The following SLC38A10 variants were observed in gnomAD, a reference collection of about 807,000 sequenced individuals.
SLC38A10 encodes the protein solute carrier family 38 member 10.
In SLC38A10, 53 loss-of-function variants were observed where a neutral mutation model predicts 81.0. The observed-to-expected ratio is 0.65, with a 90% CI of 0.53 to 0.82. The LOEUF is 0.82. SLC38A10 is among the 40% of genes least tolerant of loss of function. The pLI is 0.00. For missense variants in SLC38A10, 1,471 were observed against 1,545.0 expected (o/e 0.95, Z 0.80); for synonymous variants, 665 against 655.3 (o/e 1.01, Z -0.23).
In SLC38A10 at chr17:81,277,240, C is replaced by T. The variant is rs960903581; in HGVS notation, c.627-107G>A. ...AGCCCAGTGAGAGTCTCTGACCTTCCTTCATGCAACATTCTCTGCACACTG... is the reference window on the plus strand; with the variant it reads ...AGCCCAGTGAGAGTCTCTGACCTTCTTTCATGCAACATTCTCTGCACACTG... On this transcript the variant is annotated intron_variant, in intron 6 of 15. Transcript: ENST00000374759. The surrounding 1 kb of genome is among the most constrained non-coding windows in gnomAD (Gnocchi z 4.5). The T allele has an allele frequency of 1.1e-6, 1 of 929,614 alleles. No homozygotes were observed. The highest frequency in any genetic ancestry group is 1.6e-5 in the African/African-American group (1 of 61,340). 57.6% of individuals were successfully genotyped at this position (929,614 alleles called of 1,614,324 possible). A position where few individuals can be genotyped will look rare whatever the true frequency, so the allele number is the denominator to read the frequency against.
At chr17:81,255,040 G>A (rs2062959064) in intron 11 of SLC38A10, among the ~76,000 whole-genome samples, 1 of 152,270 alleles carries the variant, frequency 6.6e-6, no homozygotes, top group South Asian at 2.1e-4. Flanking sequence ...CCAGTCTGGG[G>A]CTCCAGGGGG....
intron 6 of SLC38A10, among the ~76,000 whole-genome samples, chr17:81,280,366 C>T (rs1489780330): frequency 1.3e-5 from 2 of 152,164 alleles, no homozygotes; most frequent in African/African-American, 4.8e-5. Context: ...GGGGATCTGG[C>T]AAACCAGGGA....
chr17:81,279,617 C>T (rs1247763306), intron 6 of SLC38A10: 1 of 154,836 alleles, frequency 6.5e-6, no homozygotes, highest in Non-Finnish European at 1.4e-5. Context: ...GCCGCACGCT[C>T]CAGCGCTTCA....
intron 1 of SLC38A10, among the ~76,000 whole-genome samples, chr17:81,290,895 A>C (rs2063305023): frequency 6.6e-6 from 1 of 152,100 alleles, no homozygotes; most frequent in Non-Finnish European, 1.5e-5. Context: ...AATCCCAGCT[A>C]CTTGGGAGGC....
chr17:81,258,401 G>A (rs1474655212), intron 11 of SLC38A10, among the ~76,000 whole-genome samples: 1 of 152,190 alleles, frequency 6.6e-6, no homozygotes, highest in Non-Finnish European at 1.5e-5. Flanking sequence ...CCTCGTGGAA[G>A]AAACAGAAAC....
intron 14 of SLC38A10, among the ~76,000 whole-genome samples, chr17:81,248,070 G>A (rs909411214): frequency 6.2e-5 from 9 of 144,206 alleles, no homozygotes; most frequent in African/African-American, 2.0e-4. Flanking sequence ...CCATTCTTCT[G>A]CCTCAGCCTC....
chr17:81,264,841 C>T (rs1024067188), intron 10 of SLC38A10: 4 of 152,132 alleles, frequency 2.6e-5, no homozygotes, highest in East Asian at 1.9e-4. Context: ...GTCTGAGAGT[C>T]GCAGTGTGCA....
chr17:81,282,388 C>A, intron 4 of SLC38A10, 56 bp from the exon 5 acceptor site: 1 of 1,554,816 alleles, frequency 6.4e-7, no homozygotes, highest in East Asian at 2.4e-5. Flanking sequence ...CACCACCGGG[C>A]TCTCTGCACT....
chr17:81,251,794 A>T, intron 13 of SLC38A10, 182 bp from the exon 14 acceptor site: 1 of 651,002 alleles, frequency 1.5e-6, no homozygotes, highest in Non-Finnish European at 2.3e-6. Flanking sequence ...AAAAATATTT[A>T]ACAACCTCAT....
Position 81,283,563 on chromosome 17 carries a change from G to A in SLC38A10, c.264-61C>T. On this transcript the variant is annotated intron_variant, in intron 3 of 15. Transcript: ENST00000374759. The surrounding 1 kb of genome is among the most constrained non-coding windows in gnomAD (Gnocchi z 4.7). ...GGGCAAGCTGGCACACACCTGGGCT[G>A]CCGCCAGGGACTACCCCAAGGCTGG... 3.0e-6 allele frequency: 4 copies of A among 1,328,886 alleles called. No homozygotes were observed. The South Asian group carries it at 4.9e-5, about 16-fold the overall frequency. 82.3% of individuals were successfully genotyped at this position (1,328,886 alleles called of 1,614,324 possible). A position where few individuals can be genotyped will look rare whatever the true frequency, so the allele number is the denominator to read the frequency against.
chr17:81,251,016 C>A (rs1325235248), intron 14 of SLC38A10: 5 of 1,411,414 alleles, frequency 3.5e-6, no homozygotes, highest in Non-Finnish European at 4.6e-6. Context: ...TGGGCCAGGG[C>A]TATGCTAGGA....
rs2063061261 is a variant in SLC38A10 at position 81,265,415 on chromosome 17, G to A, written c.1132-5021C>T. On this transcript the variant is annotated intron_variant, in intron 10 of 15. Transcript: ENST00000374759. The surrounding 1 kb of genome is among the most constrained non-coding windows in gnomAD (Gnocchi z 4.2). ...TAAAAAAAGAACAAAACACTTGGTGGCAAATGTATCTTTTCGATTCCCTCA... is the reference window on the plus strand; with the variant it reads ...TAAAAAAAGAACAAAACACTTGGTGACAAATGTATCTTTTCGATTCCCTCA... The A allele has an allele frequency of 6.6e-6, 1 of 152,202 alleles. No individual in the cohort carries two copies. Among genetic ancestry groups the A allele is most frequent in the Non-Finnish European group, 1.5e-5 (1 of 68,058 alleles). The allele number at this position is 152,202 out of a possible 1,614,324, so 9.4% of individuals were successfully genotyped here.
chr17:81,294,212 G>A (rs552915912), intron 1 of SLC38A10, among the ~76,000 whole-genome samples: 39 of 152,192 alleles, frequency 2.6e-4, no homozygotes, highest in African/African-American at 7.9e-4. Context: ...TGTATTTTCA[G>A]TAGAGATGGG....
chr17:81,291,486 C>CAAAA (rs397856930), intron 1 of SLC38A10, among the ~76,000 whole-genome samples: 1 of 112,038 alleles, frequency 8.9e-6, no homozygotes. Flanking sequence ...GACTCCATCT[C>CAAAA]AAAAAAAAAA....
In SLC38A10 at chr17:81,283,290, G is replaced by A. The variant is rs1402017718; in HGVS notation, c.357+119C>T. 1.2e-6 allele frequency: 1 copy of A among 868,880 alleles called. No homozygotes were observed. Among genetic ancestry groups the A allele is most frequent in the Non-Finnish European group, 1.8e-6 (1 of 549,052 alleles). The allele number at this position is 868,880 out of a possible 1,614,324, so 53.8% of individuals were successfully genotyped here. A position where few individuals can be genotyped will look rare whatever the true frequency, so the allele number is the denominator to read the frequency against. ...CCACCAAGCCCCTAGAATGACAGCA[G>A]GCTCGACAGAAGCTTCTCCCGACCA... On this transcript the variant is annotated intron_variant, in intron 4 of 15. Coordinates refer to ENST00000374759, the MANE Select transcript of SLC38A10 (RefSeq NM_001037984.3). This position sits in a 1 kb window ranked among gnomAD's most constrained non-coding sequence, Gnocchi z 4.7.
chr17:81,291,818 G>GC (rs2063312918), intron 1 of SLC38A10, among the ~76,000 whole-genome samples: 1 of 152,156 alleles, frequency 6.6e-6, no homozygotes, highest in Non-Finnish European at 1.5e-5. Context: ...CGGTGCAGCG[G>GC]ACACCAGAAC....
chr17:81,256,112 C>T (rs1363240240), intron 11 of SLC38A10, among the ~76,000 whole-genome samples: 1 of 152,254 alleles, frequency 6.6e-6, no homozygotes, highest in Non-Finnish European at 1.5e-5. Context: ...GTTCCCAGCT[C>T]CTGGCACCCA....
intron 10 of SLC38A10, among the ~76,000 whole-genome samples, chr17:81,260,954 C>T (rs1034141194): frequency 6.6e-6 from 1 of 152,236 alleles, no homozygotes; most frequent in Non-Finnish European, 1.5e-5. Flanking sequence ...GACGCAGGCC[C>T]GTGCGCATGA....
intron 8 of SLC38A10, among the ~76,000 whole-genome samples, chr17:81,273,985 A>C (rs2063139359): frequency 1.3e-5 from 2 of 152,244 alleles, no homozygotes; most frequent in Non-Finnish European, 1.5e-5. Flanking sequence ...AGCCAGGTCC[A>C]CCTTGGGATG....
Sources: gnomAD v4.1 joint callset for allele counts (sites outside exome capture counted in the v4.1 genomes callset) on GRCh38, gnomAD v4.1.1 for gene constraint, Gnocchi (gnomAD v3.1) non-coding constraint, MANE v1.5 for transcripts, NCBI Gene and HGNC (gene_info 2026-07-23, HGNC 2026-07-21) for gene names.